The following ANKRD11 variants were observed in gnomAD, a reference collection of about 807,000 sequenced individuals.
ANKRD11 encodes ankyrin repeat domain 11.
A neutral mutation model predicts 195.7 loss-of-function variants in ANKRD11; 17 were observed. The observed-to-expected ratio is 0.09, with a 90% CI of 0.06 to 0.13. The LOEUF (loss-of-function observed/expected upper bound fraction) is 0.13, where lower values mean the gene tolerates loss of function less well. Ranked by LOEUF, ANKRD11 falls within the 10% of genes least tolerant of loss-of-function variation. The pLI is 1.00. For synonymous variants in ANKRD11, 1,953 were observed against 1,528.1 expected, an observed-to-expected ratio of 1.28 and a Z score of -6.49; for missense variants, 3,735 against 3,566.1, an observed-to-expected ratio of 1.05 and a Z score of -1.21.
At chr16:89,304,707 C>G (rs1337710052) in intron 4 of ANKRD11, among the ~76,000 whole-genome samples, 1 of 152,128 alleles carries the variant, frequency 6.6e-6, no homozygotes, top group Non-Finnish European at 1.5e-5. Flanking sequence ...CTTGGGCACA[C>G]ACTCTGGCAC....
At chr16:89,421,657 G>C (rs1389093649) in intron 1 of ANKRD11, among the ~76,000 whole-genome samples, 1 of 116,984 alleles carries the variant, frequency 8.5e-6, no homozygotes, top group Non-Finnish European at 1.8e-5. Context: ...GAGACACGAA[G>C]GGTCGGTGTG....
chr16:89,348,987 G>GAGTA (rs1173131198), intron 2 of ANKRD11, among the ~76,000 whole-genome samples: 21 of 151,028 alleles, frequency 1.4e-4, no homozygotes, highest in Non-Finnish European at 2.7e-4. Context: ...AACTAGCCAG[G>GAGTA]AGTAGTAGAG....
intron 2 of ANKRD11, among the ~76,000 whole-genome samples, chr16:89,382,155 G>C (rs2040686782): frequency 6.6e-6 from 1 of 152,000 alleles, no homozygotes; most frequent in African/African-American, 2.4e-5. Context: ...CAGAGAGTCT[G>C]CTCCCACCCA....
intron 2 of ANKRD11, among the ~76,000 whole-genome samples, chr16:89,387,566 G>A (rs1179878916): frequency 2.6e-5 from 4 of 151,064 alleles, no homozygotes; most frequent in East Asian, 2.0e-4. Flanking sequence ...CCAGCTACTC[G>A]GGAGACTGAG....
At chr16:89,364,384 C>T (rs1419675131) in intron 2 of ANKRD11, among the ~76,000 whole-genome samples, 3 of 152,240 alleles carry the variant, frequency 2.0e-5, no homozygotes, top group African/African-American at 7.2e-5. Flanking sequence ...TATTGTCTTA[C>T]ACCGCAATAG....
chr16:89,434,023 A>G (rs575346224), intron 1 of ANKRD11, among the ~76,000 whole-genome samples: 2 of 152,328 alleles, frequency 1.3e-5, no homozygotes, highest in South Asian at 4.1e-4. Context: ...CTCTGAGAAG[A>G]TGCCCCTAGT....
chr16:89,428,065 A>T (rs1400252374), intron 1 of ANKRD11, among the ~76,000 whole-genome samples: 16 of 149,306 alleles, frequency 1.1e-4, no homozygotes, highest in Non-Finnish European at 2.4e-4. Flanking sequence ...AAAATTAGCC[A>T]GACATGGTGG....
chr16:89,374,745 C>T (rs2040347031), intron 2 of ANKRD11, among the ~76,000 whole-genome samples: 1 of 152,188 alleles, frequency 6.6e-6, no homozygotes, highest in South Asian at 2.1e-4. Context: ...TAAAACATGC[C>T]AGCTGAAGAA....
intron 1 of ANKRD11, among the ~76,000 whole-genome samples, chr16:89,465,907 T>G (rs574152242): frequency 2.4e-4 from 37 of 152,192 alleles, no homozygotes; most frequent in Non-Finnish European, 5.0e-4. Flanking sequence ...AGATGGGGTT[T>G]CACCGTGTTA....
At chr16:89,399,691 C>T (rs771333131) in intron 2 of ANKRD11, among the ~76,000 whole-genome samples, 11 of 152,134 alleles carry the variant, frequency 7.2e-5, no homozygotes, top group South Asian at 2.1e-4. Context: ...AGGGCGGTCG[C>T]GACTATAACA....
chr16:89,430,489 C>T (rs895683012), intron 1 of ANKRD11, among the ~76,000 whole-genome samples: 3 of 149,754 alleles, frequency 2.0e-5, no homozygotes, highest in Non-Finnish European at 4.5e-5. Flanking sequence ...TCAACTCTCA[C>T]GCTCAGTCGT....
intron 2 of ANKRD11, among the ~76,000 whole-genome samples, chr16:89,360,167 C>T (rs2152055632): frequency 6.6e-6 from 1 of 152,290 alleles, no homozygotes; most frequent in East Asian, 1.9e-4. Context: ...ATTTGGTTTT[C>T]TGTTCCTGAG....
chr16:89,466,191 G>A (rs1306450865), intron 1 of ANKRD11, among the ~76,000 whole-genome samples: 1 of 151,756 alleles, frequency 6.6e-6, no homozygotes, highest in African/African-American at 2.4e-5. Context: ...TACAAGCAAC[G>A]AGCCCCCACC....
At chr16:89,410,215 C>T (rs957968616) in intron 2 of ANKRD11, among the ~76,000 whole-genome samples, 2 of 152,184 alleles carry the variant, frequency 1.3e-5, no homozygotes, top group Non-Finnish European at 2.9e-5. Flanking sequence ...CTCACAGATG[C>T]CAACCCGGTG....
chr16:89,297,161 T>C (rs752324816), intron 4 of ANKRD11, among the ~76,000 whole-genome samples: 4 of 152,200 alleles, frequency 2.6e-5, no homozygotes, highest in Non-Finnish European at 5.9e-5. Context: ...ATGCCTTTTG[T>C]ATCAATCATT....
At chr16:89,302,874 C>T (rs2035941902) in intron 4 of ANKRD11, among the ~76,000 whole-genome samples, 1 of 152,220 alleles carries the variant, frequency 6.6e-6, no homozygotes, top group African/African-American at 2.4e-5. Flanking sequence ...GTTCAACACG[C>T]AGTTCCAGGA....
At chr16:89,352,228 G>C (rs2039253523) in intron 2 of ANKRD11, among the ~76,000 whole-genome samples, 1 of 152,070 alleles carries the variant, frequency 6.6e-6, no homozygotes, top group African/African-American at 2.4e-5. Context: ...CGTTTCCCTA[G>C]GGATGGAATG....
intron 2 of ANKRD11, among the ~76,000 whole-genome samples, chr16:89,338,118 C>CGCCCGTCAGGCTCCCAGGACACT (rs1166009182): frequency 1.3e-4 from 20 of 152,318 alleles, no homozygotes; most frequent in African/African-American, 3.4e-4. Flanking sequence ...CCCAGGACGC[C>CGCCCGTCAGGCTCCCAGGACACT]GCCCGTCAGG....
chr16:89,281,220 G>A lies in ANKRD11; in HGVS notation c.5322C>T (p.Asn1774=), dbSNP rs746251878. ...FSVASSGLSE[N]ASQAPARPLS... ...GAGGCCTGGCAGGAGCCTGGCTGGC[G>A]TTTTCCGAAAGCCCACTTGAAGCCA... Residue 1774 remains asparagine (N), a synonymous_variant, in exon 9 of 13, where the codon AAC becomes AAT. Transcript: ENST00000301030. This position sits in a 1 kb window ranked among gnomAD's most constrained non-coding sequence, Gnocchi z 5.5. 1.2e-5 allele frequency: 19 copies of A among 1,614,094 alleles called. No homozygotes were observed. Among genetic ancestry groups the A allele is most frequent in the Admixed American group, 1.7e-5 (1 of 60,016 alleles).
Sources: allele counts gnomAD v4.1 joint callset (sites outside exome capture counted in the v4.1 genomes callset), GRCh38; gene constraint gnomAD v4.1.1; non-coding constraint Gnocchi (gnomAD v3.1); transcripts MANE v1.5; gene names NCBI Gene and HGNC (gene_info 2026-07-23, HGNC 2026-07-21).